The following RBMS3 variants were observed in gnomAD, a reference collection of about 807,000 sequenced individuals.
The protein encoded by RBMS3 is RNA binding motif single stranded interacting protein 3.
Under a neutral mutation model 66.8 loss-of-function variants are expected in RBMS3, and 27 were observed. The ratio of observed to expected loss-of-function variants is 0.40; its 90% CI spans 0.30 to 0.56. The LOEUF is 0.56. Ranked by LOEUF, RBMS3 falls within the 20% of genes least tolerant of loss-of-function variation. The pLI is 0.40. For synonymous variants in RBMS3, 188 were observed against 183.0 expected, an observed-to-expected ratio of 1.03 and a Z score of -0.22; for missense variants, 513 against 549.5, an observed-to-expected ratio of 0.93 and a Z score of 0.66.
At chr3:29,871,278 G>T (rs2059485377) in intron 7 of RBMS3, among the ~76,000 whole-genome samples, 1 of 152,058 alleles carries the variant, frequency 6.6e-6, no homozygotes. Flanking sequence ...AATCACTTGA[G>T]GGCACTACCT....
rs1253993745 is a variant in RBMS3, at chr3:29,439,603, T to TTA, written c.248+4690_248+4691dup. Among the ~76,000 whole-genome samples the TTA allele has an allele frequency of 1.3e-3, 190 of 151,326 alleles. No homozygotes were observed. In the East Asian group the frequency reaches 0.03, roughly 24 times the overall value. On this transcript the variant is annotated intron_variant, in intron 2 of 14. Coordinates refer to ENST00000383767, the MANE Select transcript of RBMS3 (RefSeq NM_001003793.3). ...TTTTAGTTAATCTCTTTTTATTTATTTATTTATTTTTATTATTATTATACT... is the reference window on the plus strand; with the variant it reads ...TTTTAGTTAATCTCTTTTTATTTATTTATATTTATTTTTATTATTATTATACT...
At chr3:29,363,596 C>T (rs1440401562) in intron 1 of RBMS3, among the ~76,000 whole-genome samples, 2 of 152,218 alleles carry the variant, frequency 1.3e-5, no homozygotes, top group East Asian at 1.9e-4. Context: ...TGAGACCAGC[C>T]TGGCCGATAT....
At chr3:29,977,009 T>C (rs982061763) in intron 12 of RBMS3, among the ~76,000 whole-genome samples, 4 of 152,122 alleles carry the variant, frequency 2.6e-5, no homozygotes, top group Admixed American at 1.3e-4. Context: ...GGCATGCTCT[T>C]AGCATCATCT....
intron 1 of RBMS3, among the ~76,000 whole-genome samples, chr3:29,415,732 G>C (rs1313221608): frequency 1.3e-5 from 2 of 152,090 alleles, no homozygotes; most frequent in African/African-American, 4.8e-5. Context: ...ATGCAGCATA[G>C]GCAGGACTTG....
At chr3:29,922,493 C>CAAAAAAAA (rs68121692) in intron 10 of RBMS3, among the ~76,000 whole-genome samples, 11 of 99,076 alleles carry the variant, frequency 1.1e-4, no homozygotes, top group African/African-American at 1.5e-4. Context: ...GACTCCGTCT[C>CAAAAAAAA]AAAAAAAAAA....
At chr3:29,689,417 A>G (rs7630183) in intron 4 of RBMS3, among the ~76,000 whole-genome samples, 70,170 of 151,840 alleles carry the variant, frequency 0.46, 16,955 homozygotes, top group South Asian at 0.55. Flanking sequence ...TGTGGTTTTA[A>G]GCTTAATTTT....
At chr3:29,913,217 T>A (rs1486129669) in intron 10 of RBMS3, among the ~76,000 whole-genome samples, 1 of 151,996 alleles carries the variant, frequency 6.6e-6, no homozygotes, top group African/African-American at 2.4e-5. Flanking sequence ...AATTTAAAAG[T>A]ATCTGCATAA....
chr3:29,995,550 A>G lies in RBMS3; in HGVS notation c.1307+4341A>G, dbSNP rs1010296598. Among the ~76,000 whole-genome samples the G allele has an allele frequency of 1.0e-3, 153 of 149,440 alleles. 1 individual carries two copies. Among genetic ancestry groups the G allele is most frequent in the African/African-American group, 3.6e-3 (149 of 41,334 alleles). On this transcript the variant is annotated intron_variant, in intron 14 of 14. Transcript: ENST00000383767. The stretch of plus-strand genomic sequence containing the variant: ...TTACCCTCAAAGGGAAGCCCATCAG[A>G]CTAACAGCGGATCTCTCAGCAGAAA...
chr3:29,860,337 T>G (rs1217576137), intron 6 of RBMS3, among the ~76,000 whole-genome samples: 1 of 152,236 alleles, frequency 6.6e-6, no homozygotes, highest in Non-Finnish European at 1.5e-5. Flanking sequence ...ATTTATATTT[T>G]CATTTAACAA....
chr3:29,640,939 G>A (rs1485508655), intron 4 of RBMS3, among the ~76,000 whole-genome samples: 1 of 151,764 alleles, frequency 6.6e-6, no homozygotes, highest in Non-Finnish European at 1.5e-5. Context: ...TACTTCATAG[G>A]GCTTTTGTGA....
At chr3:29,759,902 A>G (rs1171360239) in intron 5 of RBMS3, among the ~76,000 whole-genome samples, 3 of 152,078 alleles carry the variant, frequency 2.0e-5, no homozygotes, top group Non-Finnish European at 4.4e-5. Flanking sequence ...GCAGCGTAAC[A>G]TGGTTTGACA....
At chr3:29,423,138 G>T (rs1559348968) in intron 1 of RBMS3, among the ~76,000 whole-genome samples, 2 of 152,112 alleles carry the variant, frequency 1.3e-5, no homozygotes, top group Admixed American at 6.6e-5. Flanking sequence ...GGGTTGCGGG[G>T]GTGGTTTCTC....
intron 4 of RBMS3, among the ~76,000 whole-genome samples, chr3:29,686,970 T>A (rs1248169175): frequency 6.6e-6 from 1 of 152,194 alleles, no homozygotes; most frequent in Non-Finnish European, 1.5e-5. Context: ...TAAGATAAAA[T>A]GGCAGGTACT....
At chr3:29,315,421 C>T (rs1215595275) in intron 1 of RBMS3, among the ~76,000 whole-genome samples, 1 of 151,816 alleles carries the variant, frequency 6.6e-6, no homozygotes, top group African/African-American at 2.4e-5. Flanking sequence ...CTCATGTATA[C>T]ACACATACAT....
intron 2 of RBMS3, among the ~76,000 whole-genome samples, chr3:29,461,370 A>C (rs1051368691): frequency 1.3e-5 from 2 of 152,092 alleles, no homozygotes; most frequent in African/African-American, 4.8e-5. Flanking sequence ...GCTCACCCTT[A>C]CCTTTGCAAG....
intron 7 of RBMS3, among the ~76,000 whole-genome samples, chr3:29,880,490 G>T (rs1042394687): frequency 1.4e-4 from 21 of 152,194 alleles, no homozygotes; most frequent in Non-Finnish European, 1.6e-4. Context: ...TTAGTATAAA[G>T]GTAGCTCAAC....
chr3:29,567,129 T>G (rs1009443136), intron 3 of RBMS3, among the ~76,000 whole-genome samples: 1 of 152,112 alleles, frequency 6.6e-6, no homozygotes, highest in Non-Finnish European at 1.5e-5. Context: ...GGTTTGCATA[T>G]TACCTTATGA....
At chr3:29,325,200 C>G (rs373168785) in intron 1 of RBMS3, among the ~76,000 whole-genome samples, 21 of 152,074 alleles carry the variant, frequency 1.4e-4, no homozygotes, top group African/African-American at 4.8e-4. Flanking sequence ...AGACATAGTG[C>G]AGAACATTTG....
At chr3:29,559,544 A>C (rs1456656680) in intron 3 of RBMS3, among the ~76,000 whole-genome samples, 4 of 138,734 alleles carry the variant, frequency 2.9e-5, no homozygotes, top group South Asian at 2.4e-4. Flanking sequence ...AAAAAAAAAA[A>C]AAAAAAAAAC....
Sources: allele counts gnomAD v4.1 joint callset (sites outside exome capture counted in the v4.1 genomes callset), GRCh38; gene constraint gnomAD v4.1.1; transcripts MANE v1.5; gene names NCBI Gene and HGNC (gene_info 2026-07-23, HGNC 2026-07-21).